The following TMTC1 variants were observed in gnomAD, a reference collection of about 807,000 sequenced individuals.
TMTC1 encodes transmembrane O-mannosyltransferase targeting cadherins 1.
TMTC1 carries 73 observed loss-of-function variants against 104.8 expected under a neutral mutation model. That is an observed-to-expected ratio of 0.70 (90% CI 0.58 to 0.85). The LOEUF (loss-of-function observed/expected upper bound fraction) is 0.85. Ranked by LOEUF, TMTC1 falls within the 40% of genes least tolerant of loss-of-function variation. TMTC1 has a pLI of 0.00. For missense variants in TMTC1, 1,035 were observed against 1,096.1 expected, an observed-to-expected ratio of 0.94 and a Z score of 0.79; for synonymous variants, 434 against 428.7, an observed-to-expected ratio of 1.01 and a Z score of -0.15.
intron 11 of TMTC1, among the ~76,000 whole-genome samples, chr12:29,532,331 T>A (rs1219584776): frequency 6.6e-6 from 1 of 152,126 alleles, no homozygotes; most frequent in Non-Finnish European, 1.5e-5. Flanking sequence ...TGAAATATAT[T>A]CTTTGATATG....
chr12:29,767,447 A>G (rs1286798996), intron 2 of TMTC1, among the ~76,000 whole-genome samples: 2 of 152,212 alleles, frequency 1.3e-5, no homozygotes, highest in African/African-American at 2.4e-5. Flanking sequence ...GTGAGAAAAG[A>G]TAAAATACAA....
intron 5 of TMTC1, among the ~76,000 whole-genome samples, chr12:29,747,334 A>G (rs1393940680): frequency 6.6e-6 from 1 of 152,208 alleles, no homozygotes; most frequent in Non-Finnish European, 1.5e-5. Flanking sequence ...AGCATCAACT[A>G]AAATGTAATC....
At chr12:29,728,692 G>A (rs1016386710) in intron 5 of TMTC1, among the ~76,000 whole-genome samples, 11 of 151,922 alleles carry the variant, frequency 7.2e-5, no homozygotes, top group Middle Eastern at 3.2e-3. Context: ...TCCCAAAAAC[G>A]TGAAGGCTTA....
intron 15 of TMTC1, among the ~76,000 whole-genome samples, chr12:29,515,510 C>T (rs369380798): frequency 1.1e-4 from 16 of 152,262 alleles, no homozygotes; most frequent in African/African-American, 3.9e-4. Flanking sequence ...GTTTCCCTGC[C>T]CAGAATCCTC....
At chr12:29,745,618 C>CAAAAAAAAAAAAAA (rs71444341) in intron 5 of TMTC1, among the ~76,000 whole-genome samples, 1 of 84,576 alleles carries the variant, frequency 1.2e-5, no homozygotes, top group Non-Finnish European at 2.2e-5. Context: ...GAGACTCAAT[C>CAAAAAAAAAAAAAA]AAAAAAAAAA....
At chr12:29,762,877 C>G (rs1943384549) in intron 2 of TMTC1, among the ~76,000 whole-genome samples, 1 of 152,252 alleles carries the variant, frequency 6.6e-6, no homozygotes, top group Admixed American at 6.5e-5. Flanking sequence ...AAGCCCAGAT[C>G]TGCTCAGACT....
chr12:29,660,948 C>T (rs1413871785), intron 5 of TMTC1: 3 of 985,272 alleles, frequency 3.0e-6, no homozygotes, highest in East Asian at 3.2e-5. Context: ...GTTCTCCTTT[C>T]AAGGTGAAGA....
chr12:29,556,762 G>A, intron 10 of TMTC1, 95 bp downstream of exon 10: 1 of 1,506,116 alleles, frequency 6.6e-7, no homozygotes, highest in South Asian at 1.2e-5. Context: ...CAGCTCCAGA[G>A]AGAGGCAAGT....
intron 1 of TMTC1, among the ~76,000 whole-genome samples, chr12:29,772,359 A>AT (rs1321513351): frequency 3.3e-5 from 5 of 151,796 alleles, no homozygotes; most frequent in Middle Eastern, 3.4e-3. Context: ...TATGCACACA[A>AT]TTTTTTTTTG....
intron 7 of TMTC1, among the ~76,000 whole-genome samples, chr12:29,597,202 T>C (rs1946428426): frequency 6.6e-6 from 1 of 151,744 alleles, no homozygotes; most frequent in African/African-American, 2.4e-5. Flanking sequence ...ACTTTTTTTT[T>C]CTTTTCTTTT....
At chr12:29,588,026 T>C (rs549759555) in intron 7 of TMTC1, among the ~76,000 whole-genome samples, 1 of 152,300 alleles carries the variant, frequency 6.6e-6, no homozygotes, top group South Asian at 2.1e-4. Flanking sequence ...GGAATGAAGT[T>C]GGAGCTCTCA....
intron 12 of TMTC1, chr12:29,519,873 G>A (rs1018266651): frequency 1.3e-5 from 2 of 152,196 alleles, no homozygotes; most frequent in African/African-American, 2.4e-5. Flanking sequence ...TAAAACAAGA[G>A]AGCTCCAAAT....
rs1366976805 is a variant in TMTC1 at position 29,502,896 on chromosome 12, G to C, written c.*3950C>G. 2 of 152,174 alleles carry C rather than the reference G, an allele frequency of 1.3e-5. No homozygotes were observed. Among genetic ancestry groups the C allele is most frequent in the Admixed American group, 6.5e-5 (1 of 15,274 alleles). The allele number at this position is 152,174 out of a possible 1,614,324, so 9.4% of individuals were successfully genotyped here. On this transcript the variant is annotated 3_prime_UTR_variant, in exon 18 of 18. Transcript: ENST00000539277. ...GTGATTCCAAAGTGCAGCCCGTGTTGAGAGCCACTACGTGTGAGGGAACAG... is the reference window on the plus strand; with the variant it reads ...GTGATTCCAAAGTGCAGCCCGTGTTCAGAGCCACTACGTGTGAGGGAACAG...
At chr12:29,611,298 T>A (rs1196162517) in intron 6 of TMTC1, among the ~76,000 whole-genome samples, 2 of 152,068 alleles carry the variant, frequency 1.3e-5, no homozygotes, top group African/African-American at 4.8e-5. Flanking sequence ...AGCAATTACC[T>A]TTCAGAATTA....
chr12:29,509,837 C>T (rs1243121674), intron 17 of TMTC1, among the ~76,000 whole-genome samples: 1 of 152,216 alleles, frequency 6.6e-6, no homozygotes. Flanking sequence ...AATCTCTAGA[C>T]ACTTTCCCAA....
chr12:29,639,136 T>C (rs7955768), intron 5 of TMTC1, among the ~76,000 whole-genome samples: 5,176 of 152,318 alleles, frequency 0.034, 288 homozygotes, highest in African/African-American at 0.12. Flanking sequence ...AAGGGTAGTA[T>C]GATCTAGCCT....
intron 6 of TMTC1, chr12:29,614,009 G>A (rs1946913931): frequency 1.3e-6 from 1 of 744,446 alleles, no homozygotes; most frequent in South Asian, 6.1e-5. Context: ...CCATAAAAAA[G>A]TTCACACAGT....
intron 5 of TMTC1, among the ~76,000 whole-genome samples, chr12:29,671,836 G>C (rs180991828): frequency 3.3e-5 from 5 of 152,096 alleles, no homozygotes; most frequent in Admixed American, 6.6e-5. Flanking sequence ...GGGAAGCTGC[G>C]GGAAAGACCT....
intron 1 of TMTC1, among the ~76,000 whole-genome samples, chr12:29,770,308 T>C (rs893311683): frequency 5.3e-5 from 8 of 152,198 alleles, no homozygotes; most frequent in African/African-American, 1.9e-4. Context: ...ATGGTAGGCA[T>C]GAATCACCTT....
Sources: allele counts gnomAD v4.1 joint callset (sites outside exome capture counted in the v4.1 genomes callset), GRCh38; gene constraint gnomAD v4.1.1; transcripts MANE v1.5; gene names NCBI Gene and HGNC (gene_info 2026-07-23, HGNC 2026-07-21).